ACOXL: variants seen among roughly 807,000 people sequenced by gnomAD.
The protein encoded by ACOXL is acyl-CoA oxidase like.
A neutral mutation model predicts 71.9 loss-of-function variants in ACOXL; 70 were observed. That is an observed-to-expected ratio of 0.97 (90% CI 0.80 to 1.19). The LOEUF is 1.19. Ranked by LOEUF, ACOXL falls within the 50% of genes most tolerant of loss-of-function variation. The probability of loss-of-function intolerance (pLI) is 0.00; values close to 1 mark genes in which losing one functional copy is unlikely to be tolerated. For missense variants in ACOXL, 703 were observed against 736.3 expected (o/e 0.95, Z 0.52); for synonymous variants, 253 against 281.6 (o/e 0.90, Z 1.02).
At chr2:110,862,700 C>T (rs549663217) in intron 10 of ACOXL, among the ~76,000 whole-genome samples, 5 of 152,300 alleles carry the variant, frequency 3.3e-5, no homozygotes, top group East Asian at 1.9e-4. Context: ...GTGTGTGCCC[C>T]GGCGAATCAC....
intron 2 of ACOXL, among the ~76,000 whole-genome samples, chr2:110,780,499 A>G (rs1683189921): frequency 6.6e-6 from 1 of 151,094 alleles, no homozygotes; most frequent in African/African-American, 2.5e-5. Context: ...ACAAATGTTT[A>G]TGTCAACTTT....
intron 14 of ACOXL, among the ~76,000 whole-genome samples, chr2:111,003,286 A>G (rs905844075): frequency 1.3e-5 from 2 of 152,102 alleles, no homozygotes; most frequent in African/African-American, 4.8e-5. Flanking sequence ...GCGGTGGCTC[A>G]CGCCTGTAAT....
At chr2:110,987,035 T>G in intron 12 of ACOXL, 73 bp from the exon 13 acceptor site, 1 of 1,187,790 alleles carries the variant, frequency 8.4e-7, no homozygotes, top group Non-Finnish European at 1.2e-6. Flanking sequence ...ATAGATCTTA[T>G]TGGGTTGCAG....
intron 12 of ACOXL, among the ~76,000 whole-genome samples, chr2:110,981,699 C>A (rs1196354611): frequency 1.3e-5 from 2 of 152,150 alleles, no homozygotes; most frequent in Non-Finnish European, 2.9e-5. Flanking sequence ...TAAAGCTTTC[C>A]CCAGTCCTCA....
intron 16 of ACOXL, among the ~76,000 whole-genome samples, chr2:111,067,253 G>T (rs1287665825): frequency 2.0e-5 from 3 of 152,016 alleles, no homozygotes; most frequent in African/African-American, 7.2e-5. Flanking sequence ...ACTCATATTT[G>T]ATCAAAGCAA....
intron 14 of ACOXL, among the ~76,000 whole-genome samples, chr2:111,012,956 G>T (rs1202323783): frequency 6.6e-6 from 1 of 152,136 alleles, no homozygotes; most frequent in African/African-American, 2.4e-5. Flanking sequence ...GAGAGATAAT[G>T]AAATAGAAAA....
intron 16 of ACOXL, among the ~76,000 whole-genome samples, chr2:111,091,512 G>C (rs928287212): frequency 2.0e-5 from 3 of 152,160 alleles, no homozygotes; most frequent in African/African-American, 2.4e-5. Flanking sequence ...TAGCACATAA[G>C]AAGTTCATCT....
intron 8 of ACOXL, among the ~76,000 whole-genome samples, chr2:110,804,438 A>G (rs1321057238): frequency 6.6e-6 from 1 of 152,202 alleles, no homozygotes; most frequent in African/African-American, 2.4e-5. Flanking sequence ...TAAAGTTATC[A>G]TCTTATGACC....
chr2:110,900,285 A>G, intron 10 of ACOXL, among the ~76,000 whole-genome samples: 1 of 152,180 alleles, frequency 6.6e-6, no homozygotes, highest in Non-Finnish European at 1.5e-5. Flanking sequence ...TGTTTGGGAA[A>G]AAGAAACAAA....
At chr2:110,914,084 G>A (rs1017912304) in intron 11 of ACOXL, among the ~76,000 whole-genome samples, 8 of 152,100 alleles carry the variant, frequency 5.3e-5, no homozygotes, top group Non-Finnish European at 1.2e-4. Context: ...GGCAATGGTT[G>A]CACAACTCCT....
intron 15 of ACOXL, among the ~76,000 whole-genome samples, chr2:111,046,248 T>G (rs1289038943): frequency 6.6e-6 from 1 of 152,094 alleles, no homozygotes; most frequent in African/African-American, 2.4e-5. Context: ...ACGTCACTGA[T>G]GAGGAAGCGA....
chr2:111,053,053 T>C (rs2066371899), intron 16 of ACOXL, among the ~76,000 whole-genome samples: 1 of 152,176 alleles, frequency 6.6e-6, no homozygotes, highest in South Asian at 2.1e-4. Context: ...GAGTGTAACC[T>C]TGAGCAGGTC....
chr2:110,739,739 G>A (rs1677282404), intron 1 of ACOXL, among the ~76,000 whole-genome samples: 1 of 152,174 alleles, frequency 6.6e-6, no homozygotes, highest in Non-Finnish European at 1.5e-5. Context: ...CACTTCCCAA[G>A]CATTTATACA....
At chr2:110,881,945 A>G (rs1056600395) in intron 10 of ACOXL, among the ~76,000 whole-genome samples, 3 of 152,004 alleles carry the variant, frequency 2.0e-5, no homozygotes, top group Non-Finnish European at 2.9e-5. Context: ...ACATTTGCAT[A>G]TAAGTCTTTT....
intron 16 of ACOXL, among the ~76,000 whole-genome samples, chr2:111,070,501 T>C (rs1174089657): frequency 6.6e-6 from 1 of 152,058 alleles, no homozygotes; most frequent in African/African-American, 2.4e-5. Context: ...TACCTGAAAG[T>C]GGAGGCTAGG....
At chr2:110,863,444 A>G (rs1316970000) in intron 10 of ACOXL, among the ~76,000 whole-genome samples, 1 of 152,226 alleles carries the variant, frequency 6.6e-6, no homozygotes, top group Non-Finnish European at 1.5e-5. Context: ...TTGTTTTTTG[A>G]TGATGAAAAT....
At chr2:110,936,940 TG>T (rs1210568699) in intron 12 of ACOXL, among the ~76,000 whole-genome samples, 2 of 151,784 alleles carry the variant, frequency 1.3e-5, no homozygotes, top group Non-Finnish European at 2.9e-5. Context: ...CTCCGCCTCC[TG>T]GGTTCAAGCA....
rs752210639 is a variant in ACOXL, at chr2:111,117,657, G to C, written c.1584G>C (p.Arg528Ser). The change falls in exon 18 of 18, where the codon AGG becomes AGC. Residue 528 changes from arginine (R) to serine (S), a missense_variant. Coordinates refer to ENST00000439055, the MANE Select transcript of ACOXL (RefSeq NM_001142807.4). ...ACTCGGTGAAGGATGATGCCCGGAGGGTGATCTCGACCTTTAACATTCCAC... is the reference window on the plus strand; with the variant it reads ...ACTCGGTGAAGGATGATGCCCGGAGCGTGATCTCGACCTTTAACATTCCAC... ...LCDSVKDDAR[R>S]VISTFNIPHT... 1.9e-5 allele frequency: 29 copies of C among 1,551,752 alleles called. 1 individual carries two copies. In the East Asian group the frequency reaches 6.1e-4, roughly 33 times the overall value.
At chr2:110,911,371 C>T (rs2059643614) in intron 11 of ACOXL, among the ~76,000 whole-genome samples, 1 of 152,110 alleles carries the variant, frequency 6.6e-6, no homozygotes, top group South Asian at 2.1e-4. Flanking sequence ...CCAACTTATC[C>T]CATGTGGCCA....
Sources: allele counts gnomAD v4.1 joint callset (sites outside exome capture counted in the v4.1 genomes callset), GRCh38; gene constraint gnomAD v4.1.1; transcripts MANE v1.5; gene names NCBI Gene and HGNC (gene_info 2026-07-23, HGNC 2026-07-21).